GLDC: variants seen among roughly 807,000 people sequenced by gnomAD.
GLDC encodes glycine decarboxylase, also known as glycine dehydrogenase (decarboxylating), mitochondrial.
A neutral mutation model predicts 121.3 loss-of-function variants in GLDC; 104 were observed. The observed-to-expected ratio is 0.86, with a 90% confidence interval of 0.73 to 1.01. GLDC has a LOEUF of 1.01. GLDC is among the 50% of genes least tolerant of loss of function. The pLI is 0.00. For missense variants in GLDC, 1,429 were observed against 1,306.6 expected (o/e 1.09, Z -1.44); for synonymous variants, 546 against 480.6 (o/e 1.14, Z -1.78).
At chr9:6,599,486 G>A (rs868334492) in intron 8 of GLDC, among the ~76,000 whole-genome samples, 1 of 152,098 alleles carries the variant, frequency 6.6e-6, no homozygotes, top group Non-Finnish European at 1.5e-5. Context: ...ACTTTGGGAG[G>A]CCGAGGTGGG....
chr9:6,610,066 G>C (rs1818820127), intron 4 of GLDC, 126 bp downstream of exon 4: 2 of 766,636 alleles, frequency 2.6e-6, no homozygotes, highest in East Asian at 2.7e-5. Context: ...GAGTTTTTCA[G>C]TTTCTCTGAA....
chr9:6,560,901 C>T (rs1817742703), intron 16 of GLDC, among the ~76,000 whole-genome samples: 1 of 152,162 alleles, frequency 6.6e-6, no homozygotes, highest in Admixed American at 6.5e-5. Flanking sequence ...TAAATATATT[C>T]TTAAGTGTCC....
At chr9:6,568,376 C>T (rs910840683) in intron 15 of GLDC, among the ~76,000 whole-genome samples, 2 of 152,118 alleles carry the variant, frequency 1.3e-5, no homozygotes, top group African/African-American at 4.8e-5. Context: ...TCTACATAAC[C>T]CAGACTAAGC....
intron 24 of GLDC, among the ~76,000 whole-genome samples, chr9:6,533,804 G>T (rs571650891): frequency 2.0e-5 from 3 of 150,918 alleles, no homozygotes; most frequent in African/African-American, 7.3e-5. Context: ...GTTGTGGTGA[G>T]CCGAGATGGT....
At chr9:6,625,157 A>G (rs12352496) in intron 2 of GLDC, among the ~76,000 whole-genome samples, 29,584 of 151,976 alleles carry the variant, frequency 0.19, 3,291 homozygotes, top group East Asian at 0.37. Flanking sequence ...GTTCTGGGAT[A>G]TGTTGGAAGT....
At chr9:6,625,070 G>A (rs758093669) in intron 2 of GLDC, among the ~76,000 whole-genome samples, 3 of 151,962 alleles carry the variant, frequency 2.0e-5, no homozygotes, top group Non-Finnish European at 4.4e-5. Context: ...TTCTACTAGT[G>A]GAAGTAATCG....
chr9:6,549,976 C>A (rs1377427686), intron 21 of GLDC, among the ~76,000 whole-genome samples: 1 of 152,174 alleles, frequency 6.6e-6, no homozygotes, highest in Admixed American at 6.5e-5. Flanking sequence ...ACATTTCCAG[C>A]CTCATTGTCA....
chr9:6,557,322 G>A (rs1176002001), intron 17 of GLDC, among the ~76,000 whole-genome samples: 2 of 152,196 alleles, frequency 1.3e-5, no homozygotes, highest in East Asian at 1.9e-4. Context: ...GAGGCCAGGC[G>A]TGGTAGCTCA....
At chr9:6,620,738 C>A (rs1465444133) in intron 2 of GLDC, among the ~76,000 whole-genome samples, 1 of 152,228 alleles carries the variant, frequency 6.6e-6, no homozygotes. Context: ...GGCACAGCTT[C>A]AGTCTAATTA....
chr9:6,581,083 A>T (rs541615353), intron 15 of GLDC, among the ~76,000 whole-genome samples: 164 of 152,322 alleles, frequency 1.1e-3, no homozygotes, highest in African/African-American at 3.7e-3. Flanking sequence ...AAGACAGCCC[A>T]TAACTATCAA....
In GLDC at chr9:6,598,658, G is replaced by A. The variant is rs192249570; in HGVS notation, c.1155+3451C>T. 8.5e-5 allele frequency among the ~76,000 whole-genome samples: 13 copies of A among 152,320 alleles called. 1 individual carries two copies. In the East Asian group the frequency reaches 1.9e-3, roughly 23 times the overall value. On this transcript the variant is annotated intron_variant, in intron 8 of 24. Transcript: ENST00000321612. ...TGCATGCTCACAAAGAGTGAAACTG[G>A]AGTTATGAGTAATTCTTGTATGCAA...
chr9:6,546,372 T>C (rs1817389481), intron 21 of GLDC, among the ~76,000 whole-genome samples: 1 of 151,216 alleles, frequency 6.6e-6, no homozygotes, highest in African/African-American at 2.4e-5. Flanking sequence ...TTTCTTTTTT[T>C]TTTTTTTTGG....
At chr9:6,592,353 A>G (rs1486104800) in intron 10 of GLDC, 130 bp from the exon 11 acceptor site, 1 of 716,088 alleles carries the variant, frequency 1.4e-6, no homozygotes, top group Non-Finnish European at 2.5e-6. Context: ...GGGTACAATT[A>G]TCTCCACGCT....
chr9:6,616,943 C>G (rs565295113), intron 3 of GLDC, among the ~76,000 whole-genome samples: 2 of 152,086 alleles, frequency 1.3e-5, no homozygotes, highest in Non-Finnish European at 2.9e-5. Context: ...ACAGAAATAG[C>G]TACAAGGAAT....
chr9:6,553,271 T>C (rs1421086770), intron 20 of GLDC, 97 bp downstream of exon 20: 4 of 1,066,848 alleles, frequency 3.7e-6, no homozygotes, highest in South Asian at 1.3e-5. Context: ...ATCATGAATT[T>C]ATTTGTTTTT....
In GLDC at chr9:6,534,790, T is replaced by C; in HGVS notation, c.2839-2A>G. On this transcript the variant is annotated splice_acceptor_variant, in intron 23 of 24. Transcript: ENST00000321612. LOFTEE classifies it high-confidence loss of function. ...GCAGGTCAGGGAGTGTGGAGACATC[T>C]GAGACAGAGACACGGACAGAGGAGG... 6.4e-7 allele frequency: 1 copy of C among 1,571,454 alleles called. No homozygotes were observed. Among genetic ancestry groups the C allele is most frequent in the Non-Finnish European group, 8.8e-7 (1 of 1,141,186 alleles).
chr9:6,538,057 C>T (rs1262554256), intron 22 of GLDC, among the ~76,000 whole-genome samples: 1 of 151,998 alleles, frequency 6.6e-6, no homozygotes, highest in Non-Finnish European at 1.5e-5. Context: ...CTAACTGTAC[C>T]ATTTAATGAG....
rs1554648297 is a variant in GLDC at position 6,606,503 on chromosome 9, C to G, written c.713+89G>C. The G allele has an allele frequency of 3.1e-5, 28 of 894,778 alleles. 1 individual carries two copies. In the South Asian group the frequency reaches 3.5e-4, roughly 11 times the overall value. 55.4% of individuals were successfully genotyped at this position (894,778 alleles called of 1,614,324 possible). A position where few individuals can be genotyped will look rare whatever the true frequency, so the allele number is the denominator to read the frequency against. ...AAAAAACCCTGTTTCAGATTCACCTCCAATCAGTTTGGAAGTGAGAAAGAG... is the reference window on the plus strand; with the variant it reads ...AAAAAACCCTGTTTCAGATTCACCTGCAATCAGTTTGGAAGTGAGAAAGAG... On this transcript the variant is annotated intron_variant, in intron 5 of 24. Transcript: ENST00000321612.
Position 6,588,479 on chromosome 9 carries a change from A to T in GLDC, c.1666-37T>A, listed in dbSNP as rs1563849359. The T allele has an allele frequency of 2.6e-6, 4 of 1,565,954 alleles. No homozygotes were observed. The Admixed American group carries it at 6.7e-5, about 26-fold the overall frequency. On this transcript the variant is annotated intron_variant, in intron 13 of 24. Coordinates refer to ENST00000321612, the MANE Select transcript of GLDC (RefSeq NM_000170.3). Reference sequence around the variant, plus strand: ...ACATCCAAAATGTATCACATTAGTGATTTTCTATAGTCCATCAATCAACCC... The same window carrying T: ...ACATCCAAAATGTATCACATTAGTGTTTTTCTATAGTCCATCAATCAACCC...
Sources: allele counts gnomAD v4.1 joint callset (sites outside exome capture counted in the v4.1 genomes callset), GRCh38; gene constraint gnomAD v4.1.1; transcripts MANE v1.5; gene names NCBI Gene and HGNC (gene_info 2026-07-23, HGNC 2026-07-21).